Variants in GTF2B observed in about 807,000 individuals in gnomAD.
GTF2B encodes transcription initiation factor IIB.
A neutral mutation model predicts 34.6 loss-of-function variants in GTF2B; 20 were observed. The observed-to-expected ratio is 0.58, with a 90% CI of 0.41 to 0.84. The LOEUF (loss-of-function observed/expected upper bound fraction) is 0.84. Among genes scored for constraint, GTF2B ranks in the 40% least tolerant of loss-of-function variants. The pLI is 0.00. For synonymous variants in GTF2B, 142 were observed against 132.4 expected, an observed-to-expected ratio of 1.07 and a Z score of -0.50; for missense variants, 237 against 393.3, an observed-to-expected ratio of 0.60 and a Z score of 3.36.
chr1:88,877,916 G>A (rs984509472), intron 2 of GTF2B, among the ~76,000 whole-genome samples: 6 of 152,192 alleles, frequency 3.9e-5, no homozygotes, highest in African/African-American at 1.4e-4. Context: ...GGGCGACAGA[G>A]CGAGACTCGG....
chr1:88,887,215 G>A, intron 2 of GTF2B, 46 bp downstream of exon 2: 1 of 1,230,546 alleles, frequency 8.1e-7, no homozygotes, highest in Non-Finnish European at 1.2e-6. Flanking sequence ...CACCATGCTT[G>A]GCCTCCTGAA....
At chr1:88,890,151 T>C (rs1389398865) in intron 1 of GTF2B, among the ~76,000 whole-genome samples, 1 of 146,524 alleles carries the variant, frequency 6.8e-6, no homozygotes, top group African/African-American at 2.7e-5. Context: ...AAAGCCATGA[T>C]AGAATTAAAA....
chr1:88,853,497 T>TTTTA (rs1483010448), intron 6 of GTF2B, 151 bp from the exon 7 acceptor site: 2 of 731,692 alleles, frequency 2.7e-6, no homozygotes, highest in East Asian at 5.4e-5. Context: ...TAGAAATACA[T>TTTTA]ACTAAAAGGT....
At chr1:88,854,295 C>T (rs969397960) in intron 6 of GTF2B, among the ~76,000 whole-genome samples, 1 of 152,054 alleles carries the variant, frequency 6.6e-6, no homozygotes, top group Non-Finnish European at 1.5e-5. Flanking sequence ...TTATAGCATA[C>T]GGAGATGTTT....
intron 2 of GTF2B, among the ~76,000 whole-genome samples, chr1:88,883,057 T>C (rs1389743181): frequency 5.3e-5 from 8 of 152,252 alleles, no homozygotes; most frequent in Non-Finnish European, 1.5e-5. Context: ...CTGACACCAC[T>C]GGAAGTATAT....
At chr1:88,877,302 T>C (rs1426695006) in intron 2 of GTF2B, among the ~76,000 whole-genome samples, 1 of 152,210 alleles carries the variant, frequency 6.6e-6, no homozygotes, top group Non-Finnish European at 1.5e-5. Flanking sequence ...TTTCCTTACG[T>C]TGCTTTTACA....
chr1:88,856,290 A>AAAAAAAAAAAAAAG (rs1673310221), intron 6 of GTF2B, among the ~76,000 whole-genome samples: 3 of 80,148 alleles, frequency 3.7e-5, no homozygotes, highest in African/African-American at 1.5e-4. Context: ...AAAAAAAAAA[A>AAAAAAAAAAAAAAG]CAAAAAAAAA....
At chr1:88,853,956 AATGTTTT>A (rs2100959146) in intron 6 of GTF2B, among the ~76,000 whole-genome samples, 1 of 152,344 alleles carries the variant, frequency 6.6e-6, no homozygotes, top group South Asian at 2.1e-4. Context: ...CAGGGTTGTC[AATGTTTT>A]AAAGGGTTTA....
At chr1:88,868,740 CTT>C (rs34808616) in intron 2 of GTF2B, among the ~76,000 whole-genome samples, 159 of 144,570 alleles carry the variant, frequency 1.1e-3, no homozygotes, top group Non-Finnish European at 1.1e-3. Context: ...TCTGTGTATT[CTT>C]TTTTTTTTTT....
chr1:88,887,200 T>G, intron 2 of GTF2B, 61 bp downstream of exon 2: 9 of 1,079,426 alleles, frequency 8.3e-6, no homozygotes, highest in East Asian at 2.4e-5. Flanking sequence ...ATTACAGGCG[T>G]GAGCCACCAT....
At position 88,853,177 on chromosome 1, in the gene GTF2B, T is replaced by A; in HGVS notation, c.*36A>T. On this transcript the variant is annotated 3_prime_UTR_variant, in exon 7 of 7. Transcript: ENST00000370500. ...TATAGGCTATGTACAACAGGCAAAGTTTTGTATTCAAGAATTTGACGTTAG... is the reference window on the plus strand; with the variant it reads ...TATAGGCTATGTACAACAGGCAAAGATTTGTATTCAAGAATTTGACGTTAG... 6.2e-7 allele frequency: 1 copy of A among 1,606,658 alleles called. No individual in the cohort carries two copies. The highest frequency in any genetic ancestry group is 8.5e-7 in the Non-Finnish European group (1 of 1,173,200).
At chr1:88,886,229 C>T (rs1674065370) in intron 2 of GTF2B, among the ~76,000 whole-genome samples, 1 of 152,194 alleles carries the variant, frequency 6.6e-6, no homozygotes, top group Non-Finnish European at 1.5e-5. Flanking sequence ...CCTTCTTGGA[C>T]CAAGTAAGTC....
chr1:88,856,354 A>AATTTAAAC (rs1392416191), intron 6 of GTF2B, among the ~76,000 whole-genome samples: 7 of 151,954 alleles, frequency 4.6e-5, no homozygotes, highest in Non-Finnish European at 7.4e-5. Flanking sequence ...TACAACACTA[A>AATTTAAAC]ATTTAAACAT....
intron 2 of GTF2B, among the ~76,000 whole-genome samples, chr1:88,869,080 T>A (rs767471321): frequency 6.6e-6 from 1 of 152,166 alleles, no homozygotes; most frequent in Non-Finnish European, 1.5e-5. Context: ...ACCAACCAGA[T>A]TGAAAACATT....
chr1:88,872,378 G>A (rs376607549), intron 2 of GTF2B, among the ~76,000 whole-genome samples: 2 of 147,378 alleles, frequency 1.4e-5, no homozygotes, highest in Non-Finnish European at 3.0e-5. Flanking sequence ...CTTGAACCTG[G>A]GAGGTGCAGA....
rs111845427 is a variant in GTF2B at position 88,866,836 on chromosome 1, G to A, written c.125-2722C>T. Among the ~76,000 whole-genome samples, 963 of 152,324 alleles carry A rather than the reference G, an allele frequency of 6.3e-3. 10 individuals carry two copies. Among genetic ancestry groups the A allele is most frequent in the African/African-American group, 0.022 (925 of 41,568 alleles). On this transcript the variant is annotated intron_variant, in intron 2 of 6. Transcript: ENST00000370500. ...TCCCATGTGCCATCCCTGTATGCAAGGAGAACACGCAAGGAAGGCAGAAGC... is the reference window on the plus strand; with the variant it reads ...TCCCATGTGCCATCCCTGTATGCAAAGAGAACACGCAAGGAAGGCAGAAGC...
rs41288365 is a variant in GTF2B at position 88,891,559 on chromosome 1, G to A, written c.-60C>T. On this transcript the variant is annotated 5_prime_UTR_variant, in exon 1 of 7. Coordinates refer to ENST00000370500, the MANE Select transcript of GTF2B (RefSeq NM_001514.6). ...AACAGACACACCGAAAGCAGGAAGC[G>A]AATGTGGCGAAGAGACGCGCAGAGA... is the stretch of plus-strand genomic sequence containing the variant. The A allele has an allele frequency of 5.8e-4, 868 of 1,499,144 alleles. 4 individuals carry two copies. Among genetic ancestry groups the A allele is most frequent in the Non-Finnish European group, 2.1e-4 (228 of 1,089,760 alleles). The allele number at this position is 1,499,144 out of a possible 1,614,324, so 92.9% of individuals were successfully genotyped here.
chr1:88,871,698 T>C (rs1378587757), intron 2 of GTF2B, among the ~76,000 whole-genome samples: 1 of 152,240 alleles, frequency 6.6e-6, no homozygotes, highest in Non-Finnish European at 1.5e-5. Flanking sequence ...TGGAGATTTA[T>C]GTATAAAGTC....
chr1:88,867,262 G>A (rs2100969068), intron 2 of GTF2B, among the ~76,000 whole-genome samples: 1 of 152,088 alleles, frequency 6.6e-6, no homozygotes, highest in East Asian at 1.9e-4. Flanking sequence ...TGTGTTTTTC[G>A]TTCATATGTA....
Sources: gnomAD v4.1 joint callset for allele counts (sites outside exome capture counted in the v4.1 genomes callset) on GRCh38, gnomAD v4.1.1 for gene constraint, MANE v1.5 for transcripts, NCBI Gene and HGNC (gene_info 2026-07-23, HGNC 2026-07-21) for gene names.